SYNE1: variants seen among roughly 807,000 people sequenced by gnomAD.
SYNE1 encodes spectrin repeat containing nuclear envelope protein 1.
In SYNE1, 616 loss-of-function variants were observed where a neutral mutation model predicts 1,111.0. The observed-to-expected ratio is 0.55, with a 90% CI of 0.52 to 0.59. The LOEUF is 0.59. SYNE1 is among the 20% of genes least tolerant of loss of function. The probability of loss-of-function intolerance (pLI) is 0.00; values close to 1 mark genes in which losing one functional copy is unlikely to be tolerated. For missense variants in SYNE1, 10,006 were observed against 10,417.0 expected, an observed-to-expected ratio of 0.96 and a Z score of 1.72; for synonymous variants, 3,855 against 3,825.8, an observed-to-expected ratio of 1.01 and a Z score of -0.28.
intron 124 of SYNE1, among the ~76,000 whole-genome samples, chr6:152,208,614 TG>T (rs1439274083): frequency 5.3e-5 from 8 of 152,196 alleles, no homozygotes; most frequent in Admixed American, 5.2e-4. Context: ...TGCAGGAAAA[TG>T]TGTGGAACAA....
intron 95 of SYNE1, among the ~76,000 whole-genome samples, chr6:152,293,377 C>T (rs1051683482): frequency 4.6e-5 from 7 of 152,124 alleles, no homozygotes; most frequent in African/African-American, 1.7e-4. Flanking sequence ...GTCTCTCTCT[C>T]TCTCCCTCTC....
intron 28 of SYNE1, 56 bp downstream of exon 28, chr6:152,449,477 C>A: frequency 7.9e-7 from 1 of 1,271,018 alleles, no homozygotes; most frequent in Non-Finnish European, 1.2e-6. Flanking sequence ...GATTCTCTAA[C>A]ATTATTCTTC....
intron 98 of SYNE1, among the ~76,000 whole-genome samples, chr6:152,270,475 A>C (rs903746176): frequency 3.9e-5 from 6 of 152,202 alleles, no homozygotes; most frequent in African/African-American, 1.4e-4. Flanking sequence ...AGACCAAAGT[A>C]ATGACTCAGC....
intron 138 of SYNE1, among the ~76,000 whole-genome samples, chr6:152,141,897 C>T (rs2152816914): frequency 6.6e-6 from 1 of 152,162 alleles, no homozygotes; most frequent in East Asian, 1.9e-4. Flanking sequence ...TAGCAAGACC[C>T]TGTCTCTATA....
At chr6:152,482,644 C>T (rs1366565088) in intron 14 of SYNE1, among the ~76,000 whole-genome samples, 2 of 152,074 alleles carry the variant, frequency 1.3e-5, no homozygotes, top group South Asian at 2.1e-4. Flanking sequence ...AGCCTAACCC[C>T]ACCACTTCCT....
chr6:152,450,751 A>G lies in SYNE1; in HGVS notation c.3269T>C (p.Val1090Ala). ...LIEELCVKLP[V>A]RDPVRDTPGT... Reference sequence around the variant, plus strand: ...AGGTGTGTCCCTTACTGGGTCCCGCACTGGGAGTTTCACACAGAGTTCCTC... The same window carrying G: ...AGGTGTGTCCCTTACTGGGTCCCGCGCTGGGAGTTTCACACAGAGTTCCTC... The change falls in exon 27 of 146, where the codon GTG (valine) becomes GCG (alanine). Residue 1090 changes from valine to alanine, a missense_variant. Coordinates refer to ENST00000367255, the MANE Select transcript of SYNE1 (RefSeq NM_182961.4). The G allele has an allele frequency of 6.2e-7, 1 of 1,614,108 alleles. No individual in the cohort carries two copies. Among genetic ancestry groups the G allele is most frequent in the Non-Finnish European group, 8.5e-7 (1 of 1,180,026 alleles).
chr6:152,441,178 C>G lies in SYNE1; in HGVS notation c.4101G>C (p.Leu1367Phe). 6.2e-7 allele frequency: 1 copy of G among 1,613,570 alleles called. No individual in the cohort carries two copies. Among genetic ancestry groups the G allele is most frequent in the Non-Finnish European group, 8.5e-7 (1 of 1,179,770 alleles). Reference protein sequence around the residue: ...FQTGSSHERFLSFSSLESLSS... With the variant: ...FQTGSSHERFFSFSSLESLSS... Reference sequence around the variant, plus strand: ...ATAAACTTTCCAAACTGCTAAAACTCAAGAAGCGTTCATGACTGGAACCTG... The same window carrying G: ...ATAAACTTTCCAAACTGCTAAAACTGAAGAAGCGTTCATGACTGGAACCTG... The change falls in exon 32 of 146, where the codon TTG becomes TTC. Residue 1367 changes from leucine to phenylalanine, a missense_variant. Leu to Phe is a conservative substitution (Grantham distance 22). Transcript: ENST00000367255.
At position 152,206,341 on chromosome 6, in the gene SYNE1, G is replaced by A. The variant is rs200236760; in HGVS notation, c.22846C>T (p.Arg7616Trp). ...EVQFKEKVFL[R>W]QQGSYILTVE... ...GTCAGGATGTAGCTGCCTTGTTGCCGCAGAAACACTTTTTCTTTGAACTGA... is the reference window on the plus strand; with the variant it reads ...GTCAGGATGTAGCTGCCTTGTTGCCACAGAAACACTTTTTCTTTGAACTGA... Residue 7616 changes from arginine (R) to tryptophan (W), a missense_variant, in exon 126 of 146, where the codon CGG becomes TGG. By Grantham distance (101) the Arg-to-Trp change is moderately radical. This residue lies in a region of SYNE1 where 2,182 missense variants were observed against 2,287.8 expected (regional missense o/e 0.95). Transcript: ENST00000367255. The A allele has an allele frequency of 1.2e-5, 19 of 1,613,822 alleles. No homozygotes were observed. Among genetic ancestry groups the A allele is most frequent in the Admixed American group, 5.0e-5 (3 of 60,008 alleles).
chr6:152,501,660 G>A (rs766585435), intron 10 of SYNE1, among the ~76,000 whole-genome samples: 15 of 151,882 alleles, frequency 9.9e-5, no homozygotes, highest in Non-Finnish European at 1.8e-4. Context: ...GTTTGAACCC[G>A]GCTGGCAGAG....
chr6:152,372,780 G>C (rs2097211035), intron 59 of SYNE1, among the ~76,000 whole-genome samples: 2 of 152,220 alleles, frequency 1.3e-5, no homozygotes, highest in Admixed American at 1.3e-4. Flanking sequence ...AAAACTGGCT[G>C]TTCCTGCTGG....
chr6:152,418,129 T>C (rs1414313706), intron 40 of SYNE1, among the ~76,000 whole-genome samples: 1 of 152,262 alleles, frequency 6.6e-6, no homozygotes, highest in Non-Finnish European at 1.5e-5. Flanking sequence ...CTGCAGATCC[T>C]GACCTTTTCT....
At chr6:152,207,274 G>T (rs1402577515) in intron 125 of SYNE1, among the ~76,000 whole-genome samples, 1 of 152,110 alleles carries the variant, frequency 6.6e-6, no homozygotes, top group African/African-American at 2.4e-5. Flanking sequence ...GGACCCACAG[G>T]GTACAAGGCA....
At chr6:152,352,770 A>G (rs1185462736) in intron 69 of SYNE1, among the ~76,000 whole-genome samples, 1 of 152,210 alleles carries the variant, frequency 6.6e-6, no homozygotes, top group Non-Finnish European at 1.5e-5. Context: ...TCCCTTTAAA[A>G]TAAGTTGTTG....
rs144733117 is a variant in SYNE1, at chr6:152,217,285, A to G, written c.22191+972T>C. On this transcript the variant is annotated intron_variant, in intron 121 of 145. Coordinates refer to ENST00000367255, the MANE Select transcript of SYNE1 (RefSeq NM_182961.4). ...GTGGACAGTACCTGCAGTCCTAACT[A>G]CTCGGGAGGCTGAGGCAAGAGAATG... Among the ~76,000 whole-genome samples the G allele has an allele frequency of 7.4e-3, 1,102 of 149,068 alleles. 15 individuals are homozygous for G. The highest frequency in any genetic ancestry group is 0.026 in the African/African-American group (1,031 of 40,306).
chr6:152,525,998 A>C (rs1346491500), intron 5 of SYNE1, 82 bp downstream of exon 5: 5 of 1,293,584 alleles, frequency 3.9e-6, no homozygotes, highest in Non-Finnish European at 5.6e-6. Context: ...TGGGCAGCAC[A>C]TCTTAGCACT....
intron 107 of SYNE1, among the ~76,000 whole-genome samples, chr6:152,241,705 G>A (rs1183240378): frequency 6.6e-6 from 1 of 152,106 alleles, no homozygotes; most frequent in Non-Finnish European, 1.5e-5. Context: ...AAGGGTCAGA[G>A]GATCTAAACA....
chr6:152,530,870 G>A (rs1050320455), intron 4 of SYNE1, among the ~76,000 whole-genome samples: 23 of 152,116 alleles, frequency 1.5e-4, no homozygotes, highest in South Asian at 6.2e-4. Context: ...TGATCTGCCC[G>A]CCTCAGCCTC....
At chr6:152,233,722 T>C in intron 112 of SYNE1, 59 bp downstream of exon 112, 1 of 1,602,192 alleles carries the variant, frequency 6.2e-7, no homozygotes, top group Non-Finnish European at 8.5e-7. Context: ...AATTAATGTA[T>C]TTCTCCATGT....
Position 152,465,760 on chromosome 6 carries a change from A to AACACACACACACACAC in SYNE1, c.1729+221_1729+222insGTGTGTGTGTGTGTGT, listed in dbSNP as rs113781129. ...TGCTTATTTTGTTCTCTCTTAGAAG[A>AACACACACACACACAC]ACACATACACACACACACACACACA... On this transcript the variant is annotated intron_variant, in intron 17 of 145. Coordinates refer to ENST00000367255, the MANE Select transcript of SYNE1 (RefSeq NM_182961.4). Among the ~76,000 whole-genome samples the AACACACACACACACAC allele has an allele frequency of 1.9e-3, 255 of 133,308 alleles. 1 individual carries two copies. Among genetic ancestry groups the AACACACACACACACAC allele is most frequent in the African/African-American group, 6.3e-3 (215 of 34,178 alleles). 87.5% of individuals were successfully genotyped at this position (133,308 alleles called of 152,430 possible).
Sources: gnomAD v4.1 joint callset for allele counts (sites outside exome capture counted in the v4.1 genomes callset) on GRCh38, gnomAD v4.1.1 for gene constraint, gnomAD v4.1.1 regional missense constraint, MANE v1.5 for transcripts, NCBI Gene and HGNC (gene_info 2026-07-23, HGNC 2026-07-21) for gene names.